Variants in EYS observed in about 807,000 individuals in gnomAD.
EYS encodes protein eyes shut homolog.
EYS carries 250 observed loss-of-function variants against 282.1 expected under a neutral mutation model. The observed-to-expected ratio is 0.89, with a 90% CI of 0.80 to 0.98. The LOEUF (loss-of-function observed/expected upper bound fraction) is 0.98, where lower values mean the gene tolerates loss of function less well. Ranked by LOEUF, EYS falls within the 50% of genes least tolerant of loss-of-function variation. EYS has a pLI of 0.00. For synonymous variants in EYS, 1,355 were observed against 1,282.9 expected, an observed-to-expected ratio of 1.06 and a Z score of -1.20; for missense variants, 4,016 against 3,709.0, an observed-to-expected ratio of 1.08 and a Z score of -2.15.
intron 12 of EYS, among the ~76,000 whole-genome samples, chr6:65,167,216 A>T (rs1378217888): frequency 6.6e-6 from 1 of 151,282 alleles, no homozygotes; most frequent in East Asian, 2.0e-4. Context: ...CCACACAAAA[A>T]TATGTACATG....
chr6:65,054,742 T>C (rs566187966), intron 13 of EYS, among the ~76,000 whole-genome samples: 2 of 151,964 alleles, frequency 1.3e-5, no homozygotes, highest in Admixed American at 6.6e-5. Context: ...TGCTTTTTTG[T>C]TTTATGTATG....
chr6:64,615,627 T>A (rs1334393051), intron 24 of EYS, among the ~76,000 whole-genome samples: 3 of 152,152 alleles, frequency 2.0e-5, no homozygotes, highest in Non-Finnish European at 2.9e-5. Flanking sequence ...TAAAATTCTT[T>A]TTCAATAAAC....
At chr6:65,514,503 C>A (rs1767040489) in intron 2 of EYS, among the ~76,000 whole-genome samples, 2 of 152,136 alleles carry the variant, frequency 1.3e-5, no homozygotes, top group Non-Finnish European at 2.9e-5. Flanking sequence ...GCCAAAAGAA[C>A]AAAGCTGGAG....
chr6:64,605,653 A>C (rs1273712967), intron 24 of EYS, among the ~76,000 whole-genome samples: 1 of 151,870 alleles, frequency 6.6e-6, no homozygotes, highest in African/African-American at 2.4e-5. Context: ...ATGACTCACC[A>C]GTCCTAGAAA....
chr6:65,653,545 AT>A (rs1405017145), intron 1 of EYS, among the ~76,000 whole-genome samples: 1 of 151,934 alleles, frequency 6.6e-6, no homozygotes, highest in Admixed American at 6.6e-5. Context: ...CAGATATCAT[AT>A]CATTGCCGTA....
At chr6:64,684,962 TAAAC>T (rs970714696) in intron 22 of EYS, among the ~76,000 whole-genome samples, 1 of 151,966 alleles carries the variant, frequency 6.6e-6, no homozygotes, top group African/African-American at 2.4e-5. Context: ...TAAATGGCAA[TAAAC>T]TAATAAGTGC....
chr6:64,393,535 T>G (rs908567563), intron 28 of EYS, among the ~76,000 whole-genome samples: 4 of 152,054 alleles, frequency 2.6e-5, no homozygotes, highest in Admixed American at 1.3e-4. Flanking sequence ...AAAAACCACA[T>G]GATTATCTCA....
rs903929671 is a variant in EYS, at chr6:64,591,943, A to G, written c.3924T>C (p.Thr1308=). The stretch of plus-strand genomic sequence containing the variant: ...TGCTAATTCTTAATGTTGCCAAACC[A>G]GTGGTTGGGAGAATGTCGTGCTTGA... The part of the protein sequence containing the change: ...GIVKHDILPT[T]GLATLRISTP... Residue 1308 remains threonine, a synonymous_variant, in exon 26 of 43, where the codon ACT becomes ACC. Transcript: ENST00000503581. 13 of 1,525,656 alleles carry G rather than the reference A, an allele frequency of 8.5e-6. No individual in the cohort carries two copies. The East Asian group carries it at 3.2e-4, about 38-fold the overall frequency. The allele number at this position is 1,525,656 out of a possible 1,614,324, so 94.5% of individuals were successfully genotyped here.
At chr6:63,839,081 C>G (rs999579361) in intron 36 of EYS, among the ~76,000 whole-genome samples, 1 of 152,000 alleles carries the variant, frequency 6.6e-6, no homozygotes, top group Admixed American at 6.6e-5. Context: ...GTCAAAATCT[C>G]CTCTAGCTTT....
chr6:64,321,782 T>C (rs1389675473), intron 29 of EYS, among the ~76,000 whole-genome samples: 1 of 151,898 alleles, frequency 6.6e-6, no homozygotes, highest in African/African-American at 2.4e-5. Context: ...AAAAATTGGA[T>C]GGTAATTATT....
At chr6:65,015,062 T>A (rs914234169) in intron 13 of EYS, among the ~76,000 whole-genome samples, 1 of 152,024 alleles carries the variant, frequency 6.6e-6, no homozygotes, top group African/African-American at 2.4e-5. Flanking sequence ...TAGAATCTAG[T>A]AAAGGCAAGA....
intron 5 of EYS, among the ~76,000 whole-genome samples, chr6:65,486,090 G>T (rs1033531363): frequency 6.6e-6 from 1 of 152,076 alleles, no homozygotes; most frequent in African/African-American, 2.4e-5. Flanking sequence ...ATCAAATATA[G>T]AAAAATGTGG....
intron 1 of EYS, among the ~76,000 whole-genome samples, chr6:65,684,747 C>T (rs1768949964): frequency 6.6e-6 from 1 of 152,030 alleles, no homozygotes; most frequent in East Asian, 1.9e-4. Flanking sequence ...AGGTTTATTA[C>T]ATGGGTACAT....
intron 1 of EYS, among the ~76,000 whole-genome samples, chr6:65,697,790 A>G (rs1425156498): frequency 6.6e-6 from 1 of 152,152 alleles, no homozygotes; most frequent in Admixed American, 6.5e-5. Context: ...ACGGCATTAC[A>G]TCTATCTTAG....
chr6:64,152,850 A>T (rs1396967369), intron 31 of EYS, among the ~76,000 whole-genome samples: 1 of 152,184 alleles, frequency 6.6e-6, no homozygotes, highest in Non-Finnish European at 1.5e-5. Flanking sequence ...GAGAAAATTT[A>T]TCTAAAATAG....
At chr6:64,893,425 T>C (rs533276336) in intron 18 of EYS, among the ~76,000 whole-genome samples, 12 of 152,206 alleles carry the variant, frequency 7.9e-5, no homozygotes, top group African/African-American at 2.6e-4. Flanking sequence ...TGTTTATGTG[T>C]CTACAGTTTA....
At chr6:65,607,114 T>C (rs946136177) in intron 2 of EYS, among the ~76,000 whole-genome samples, 16 of 151,864 alleles carry the variant, frequency 1.1e-4, no homozygotes, top group African/African-American at 3.9e-4. Context: ...TTGAAGTTAA[T>C]GTTTTGAGGG....
At chr6:64,615,730 C>T (rs1582957019) in intron 24 of EYS, among the ~76,000 whole-genome samples, 2 of 152,202 alleles carry the variant, frequency 1.3e-5, no homozygotes, top group African/African-American at 4.8e-5. Flanking sequence ...GCATTTCACA[C>T]AAACATTATC....
rs371887686 is a variant in EYS at position 64,166,246 on chromosome 6, C to T, written c.6424+64346G>A. Among the ~76,000 whole-genome samples, 88 of 152,230 alleles carry T rather than the reference C, an allele frequency of 5.8e-4. 1 individual carries two copies. The highest frequency in any genetic ancestry group is 2.1e-3 in the African/African-American group (86 of 41,530). On this transcript the variant is annotated intron_variant, in intron 31 of 42. Coordinates refer to ENST00000503581, the MANE Select transcript of EYS (RefSeq NM_001142800.2). ...TAACACAGCAATTATCAACCTAAAACACCTTTGCTGATATGACTACTACTT... is the reference window on the plus strand; with the variant it reads ...TAACACAGCAATTATCAACCTAAAATACCTTTGCTGATATGACTACTACTT...
Sources: gnomAD v4.1 joint callset for allele counts (sites outside exome capture counted in the v4.1 genomes callset) on GRCh38, gnomAD v4.1.1 for gene constraint, MANE v1.5 for transcripts, NCBI Gene and HGNC (gene_info 2026-07-23, HGNC 2026-07-21) for gene names.